The following DSE variants were observed in gnomAD, a reference collection of about 807,000 sequenced individuals.
DSE encodes the protein dermatan-sulfate epimerase.
In DSE, 36 loss-of-function variants were observed where a neutral mutation model predicts 84.4. The ratio of observed to expected loss-of-function variants is 0.43; its 90% CI spans 0.33 to 0.56. DSE has a LOEUF of 0.56. DSE is among the 20% of genes least tolerant of loss of function. The pLI, the probability that DSE is intolerant of heterozygous loss-of-function variation, is 0.06. For missense variants in DSE, 862 were observed against 1,169.6 expected (o/e 0.74, Z 3.84); for synonymous variants, 410 against 430.1 (o/e 0.95, Z 0.58).
chr6:116,328,169 A>G (rs1776736913), intron 2 of DSE, among the ~76,000 whole-genome samples: 1 of 152,198 alleles, frequency 6.6e-6, no homozygotes, highest in South Asian at 2.1e-4. Flanking sequence ...CCTTCAACCA[A>G]ATTTGTCAAT....
chr6:116,362,486 A>T (rs1193484024), intron 2 of DSE, among the ~76,000 whole-genome samples: 1 of 152,220 alleles, frequency 6.6e-6, no homozygotes, highest in African/African-American at 2.4e-5. Flanking sequence ...GCCTTATAAG[A>T]GGGAGAAAGA....
chr6:116,264,221 G>C (rs9488881), intron 2 of DSE, among the ~76,000 whole-genome samples: 4,364 of 152,166 alleles, frequency 0.029, 202 homozygotes, highest in African/African-American at 0.096. Flanking sequence ...ATCTCTTTAA[G>C]GGACACCAAT....
intron 2 of DSE, among the ~76,000 whole-genome samples, chr6:116,347,919 AT>A (rs1778085195): frequency 6.7e-6 from 1 of 148,474 alleles, no homozygotes; most frequent in Non-Finnish European, 1.5e-5. Context: ...AATATCCAGA[AT>A]CTACAAAGAA....
chr6:116,271,666 T>A (rs752620574), intron 2 of DSE, among the ~76,000 whole-genome samples: 4 of 152,192 alleles, frequency 2.6e-5, no homozygotes, highest in Admixed American at 6.5e-5. Context: ...AGGAATTTCA[T>A]TATTAGAATT....
chr6:116,399,682 G>A lies in DSE; in HGVS notation c.416+16G>A. 1 of 1,605,650 alleles carries A rather than the reference G, an allele frequency of 6.2e-7. No homozygotes were observed. The highest frequency in any genetic ancestry group is 8.5e-7 in the Non-Finnish European group (1 of 1,174,880). On this transcript the variant is annotated intron_variant, in intron 2 of 5. Transcript: ENST00000644252. ...AGCCTAGTTGGTAGATTTTTGTCTT[G>A]TTCTTCTTACTGTGGTAACTCTGCA...
chr6:116,343,458 G>T (rs895313782), intron 2 of DSE, among the ~76,000 whole-genome samples: 1 of 152,222 alleles, frequency 6.6e-6, no homozygotes, highest in Non-Finnish European at 1.5e-5. Context: ...TCCAGAGGAA[G>T]CATCAGGCAG....
At position 116,275,798 on chromosome 6, in the gene DSE, CA is replaced by C. The variant is rs386408358; in HGVS notation, c.-54+16849del. 2.2e-3 allele frequency among the ~76,000 whole-genome samples: 237 copies of C among 105,460 alleles called. 1 individual carries two copies. Among genetic ancestry groups the C allele is most frequent in the Middle Eastern group, 5.7e-3 (1 of 176 alleles). The allele number at this position is 105,460 out of a possible 152,430, so 69.2% of individuals were successfully genotyped here. The stretch of plus-strand genomic sequence containing the variant: ...CCTGGGCAAGAGTGGGACTCTATCT[CA>C]AAAAAAAAAAAAAAAAATGCTAGAT... On this transcript the variant is annotated intron_variant, in intron 2 of 3. Transcript: ENST00000430252.
In DSE at chr6:116,431,168, A is replaced by G. The variant is rs1444681997; in HGVS notation, c.885A>G (p.Ala295=). ...FGHPWLKQHF[A]FMYRTILPGF... ...ATCCGTGGCTTAAACAACACTTTGCATTTATGTATAGAACCATCCTGCCAG... is the reference window on the plus strand; with the variant it reads ...ATCCGTGGCTTAAACAACACTTTGCGTTTATGTATAGAACCATCCTGCCAG... Residue 295 remains alanine (A), a synonymous_variant, in exon 4 of 6, where the codon GCA becomes GCG. Coordinates refer to ENST00000644252, the MANE Select transcript of DSE (RefSeq NM_013352.4). 6 of 1,614,086 alleles carry G rather than the reference A, an allele frequency of 3.7e-6. No homozygotes were observed. Among genetic ancestry groups the G allele is most frequent in the Non-Finnish European group, 3.4e-6 (4 of 1,180,038 alleles).
chr6:116,273,406 T>TAA (rs936088352), intron 2 of DSE, among the ~76,000 whole-genome samples: 30 of 152,188 alleles, frequency 2.0e-4, no homozygotes, highest in African/African-American at 6.8e-4. Flanking sequence ...TCAGAGAGAA[T>TAA]GGATTAAGAT....
intron 2 of DSE, among the ~76,000 whole-genome samples, chr6:116,305,290 C>T (rs746195902): frequency 1.3e-5 from 2 of 152,160 alleles, no homozygotes; most frequent in African/African-American, 2.4e-5. Context: ...TTAATACTCT[C>T]TGTCATCTAT....
chr6:116,345,226 A>C (rs1236115943), intron 2 of DSE, among the ~76,000 whole-genome samples: 1 of 152,198 alleles, frequency 6.6e-6, no homozygotes, highest in African/African-American at 2.4e-5. Context: ...GAAAGTTAAC[A>C]AGGATATCCA....
chr6:116,330,826 A>G (rs1166570001), intron 2 of DSE, among the ~76,000 whole-genome samples: 4 of 152,220 alleles, frequency 2.6e-5, no homozygotes, highest in African/African-American at 9.6e-5. Context: ...TGATATAAGA[A>G]CATGAACATT....
intron 2 of DSE, among the ~76,000 whole-genome samples, chr6:116,293,325 G>T (rs1774420099): frequency 6.7e-6 from 1 of 149,634 alleles, no homozygotes; most frequent in African/African-American, 2.5e-5. Flanking sequence ...AGACTCGAGT[G>T]CAGTGGCGTG....
rs1784527294 is a variant in DSE at position 116,444,650 on chromosome 6, A to C, written c.*7305A>C. 2.0e-5 allele frequency: 3 copies of C among 152,178 alleles called. No individual in the cohort carries two copies. The highest frequency in any genetic ancestry group is 6.5e-5 in the Admixed American group (1 of 15,276). The allele number at this position is 152,178 out of a possible 1,614,324, so 9.4% of individuals were successfully genotyped here. On this transcript the variant is annotated 3_prime_UTR_variant, in exon 6 of 6. Coordinates refer to ENST00000644252, the MANE Select transcript of DSE (RefSeq NM_013352.4). Reference sequence around the variant, plus strand: ...CCTTTGGAAAGTGATTAGGTTATGAAGGTGGAGCCCTCGTGAATGGGAGTA... The same window carrying C: ...CCTTTGGAAAGTGATTAGGTTATGACGGTGGAGCCCTCGTGAATGGGAGTA...
chr6:116,333,301 T>G (rs1396776030), intron 2 of DSE, among the ~76,000 whole-genome samples: 2 of 152,122 alleles, frequency 1.3e-5, no homozygotes, highest in Non-Finnish European at 2.9e-5. Flanking sequence ...AGTCCAAGGT[T>G]GAGGGACCAT....
At chr6:116,326,905 A>G (rs1189192382) in intron 2 of DSE, among the ~76,000 whole-genome samples, 1 of 150,168 alleles carries the variant, frequency 6.7e-6, no homozygotes, top group Non-Finnish European at 1.5e-5. Flanking sequence ...TAAAAATATA[A>G]CTGTAAGTAG....
intron 4 of DSE, 91 bp downstream of exon 4, chr6:116,431,284 TC>T: frequency 9.4e-6 from 14 of 1,486,194 alleles, no homozygotes; most frequent in Non-Finnish European, 1.3e-5. Context: ...AGAAATTAGG[TC>T]CTTAGAGTTT....
At chr6:116,371,263 G>A in intron 1 of DSE, 142 bp downstream of exon 1, 1 of 957,534 alleles carries the variant, frequency 1.0e-6, no homozygotes, top group Non-Finnish European at 1.2e-6. Context: ...GGAGCGCCGC[G>A]GGTTGCGCGC....
chr6:116,443,823 G>A lies in DSE; in HGVS notation c.*6478G>A, dbSNP rs1052287795. On this transcript the variant is annotated 3_prime_UTR_variant, in exon 6 of 6. Coordinates refer to ENST00000644252, the MANE Select transcript of DSE (RefSeq NM_013352.4). Reference sequence around the variant, plus strand: ...GGAATTCTTTTCTGAACAAAAAAACGTTTTCAATGGTCTAGGCACTTCCTT... The same window carrying A: ...GGAATTCTTTTCTGAACAAAAAAACATTTTCAATGGTCTAGGCACTTCCTT... 1 of 152,124 alleles carries A rather than the reference G, an allele frequency of 6.6e-6. No individual in the cohort carries two copies. The highest frequency in any genetic ancestry group is 2.4e-5 in the African/African-American group (1 of 41,430). 9.4% of individuals were successfully genotyped at this position (152,124 alleles called of 1,614,324 possible). A position where few individuals can be genotyped will look rare whatever the true frequency, so the allele number is the denominator to read the frequency against.
Sources: gnomAD v4.1 joint callset for allele counts (sites outside exome capture counted in the v4.1 genomes callset) on GRCh38, gnomAD v4.1.1 for gene constraint, MANE v1.5 for transcripts, NCBI Gene and HGNC (gene_info 2026-07-23, HGNC 2026-07-21) for gene names.